Variants in PDILT observed in about 807,000 individuals in gnomAD.
PDILT encodes protein disulfide-isomerase-like protein of the testis.
In PDILT, 43 loss-of-function variants were observed where a neutral mutation model predicts 53.7. The observed-to-expected ratio is 0.80, with a 90% confidence interval of 0.63 to 1.03. The LOEUF (loss-of-function observed/expected upper bound fraction) is 1.03, where lower values mean the gene tolerates loss of function less well. Ranked by LOEUF, PDILT falls within the 50% of genes least tolerant of loss-of-function variation. The probability of loss-of-function intolerance (pLI) is 0.00; values close to 1 mark genes in which losing one functional copy is unlikely to be tolerated. For synonymous variants in PDILT, 282 were observed against 274.2 expected (o/e 1.03, Z -0.28); for missense variants, 727 against 712.3 (o/e 1.02, Z -0.24).
chr16:20,383,012 G>T (rs746920728), intron 3 of PDILT, among the ~76,000 whole-genome samples: 1 of 152,320 alleles, frequency 6.6e-6, no homozygotes, highest in African/African-American at 2.4e-5. Flanking sequence ...CAGAGGTGGA[G>T]CAGGCACCCT....
intron 7 of PDILT, among the ~76,000 whole-genome samples, chr16:20,372,021 G>A (rs939997173): frequency 1.3e-5 from 2 of 151,666 alleles, no homozygotes; most frequent in Non-Finnish European, 2.9e-5. Flanking sequence ...TTTTTTAAAA[G>A]AGAAAAAAAA....
Position 20,372,825 on chromosome 16 carries a change from C to T in PDILT, c.895G>A (p.Ala299Thr). 1 of 1,614,002 alleles carries T rather than the reference C, an allele frequency of 6.2e-7. No individual in the cohort carries two copies. The highest frequency in any genetic ancestry group is 8.5e-7 in the Non-Finnish European group (1 of 1,179,926). ...YGIIIQHYKL[A>T]SKEFQNKILF... ...ACCTTGTTTTGGAATTCCTTTGATG[C>T]CAGCTTATAATGCTGAATTATGATA... The change falls in exon 7 of 12, where the codon GCA becomes ACA. Residue 299 changes from alanine (A) to threonine (T), a missense_variant. Physicochemically the swap from Ala to Thr is moderately conservative, Grantham distance 58. Transcript: ENST00000302451.
intron 3 of PDILT, among the ~76,000 whole-genome samples, chr16:20,381,130 A>G (rs1966455524): frequency 6.6e-6 from 1 of 152,244 alleles, no homozygotes; most frequent in Non-Finnish European, 1.5e-5. Context: ...CTTCCAGAGC[A>G]ATGGCCATGG....
At chr16:20,403,641 G>T (rs1966774818) in intron 1 of PDILT, among the ~76,000 whole-genome samples, 3 of 128,500 alleles carry the variant, frequency 2.3e-5, no homozygotes, top group Non-Finnish European at 4.9e-5. Context: ...CCTATCAAAA[G>T]GTGCTCACTT....
At chr16:20,363,906 A>G (rs1176532003) in intron 9 of PDILT, among the ~76,000 whole-genome samples, 4 of 152,150 alleles carry the variant, frequency 2.6e-5, no homozygotes, top group Non-Finnish European at 2.9e-5. Flanking sequence ...AAGGGAAAGC[A>G]AATCTTTCCT....
Position 20,365,446 on chromosome 16 carries a change from T to C in PDILT, c.1211A>G (p.Lys404Arg), listed in dbSNP as rs375806573. 5 of 1,613,942 alleles carry C rather than the reference T, an allele frequency of 3.1e-6. No homozygotes were observed. The highest frequency in any genetic ancestry group is 4.5e-5 in the East Asian group (2 of 44,888). ...GKNFNVVVFD[K>R]EKDVFVMFYA... is the part of the protein sequence containing the mutation. Reference sequence around the variant, plus strand: ...GAACATCACAAATACGTCCTTTTCTTTGTCAAAGACGACTACGTTGAAGTT... The same window carrying C: ...GAACATCACAAATACGTCCTTTTCTCTGTCAAAGACGACTACGTTGAAGTT... Residue 404 changes from lysine to arginine, a missense_variant, in exon 9 of 12, where the codon AAA becomes AGA. Physicochemically the swap from Lys to Arg is conservative, Grantham distance 26. Coordinates refer to ENST00000302451, the MANE Select transcript of PDILT (RefSeq NM_174924.2).
chr16:20,393,076 A>T (rs1457857267), intron 2 of PDILT, among the ~76,000 whole-genome samples: 3 of 152,154 alleles, frequency 2.0e-5, no homozygotes, highest in Non-Finnish European at 2.9e-5. Context: ...AGCAAAAGAG[A>T]TGGTTTGGAT....
Position 20,399,169 on chromosome 16 carries a change from A to G in PDILT, c.132T>C (p.Ser44=). 1.9e-6 allele frequency: 3 copies of G among 1,614,114 alleles called. No homozygotes were observed. Among genetic ancestry groups the G allele is most frequent in the Non-Finnish European group, 2.5e-6 (3 of 1,180,014 alleles). Residue 44 remains serine, a synonymous_variant, in exon 2 of 12, where the codon AGT becomes AGC. Coordinates refer to ENST00000302451, the MANE Select transcript of PDILT (RefSeq NM_174924.2). ...TKPVHILEER[S]LLVLTPAGLT... is the part of the protein sequence containing the mutation. Reference sequence around the variant, plus strand: ...GGCCAGCGGGCGTTAGCACTAGGAGACTGCGTTCCTCCAGGATGTGCACAG... The same window carrying G: ...GGCCAGCGGGCGTTAGCACTAGGAGGCTGCGTTCCTCCAGGATGTGCACAG...
intron 7 of PDILT, among the ~76,000 whole-genome samples, chr16:20,372,477 A>G (rs1966320686): frequency 6.6e-6 from 1 of 152,224 alleles, no homozygotes; most frequent in Admixed American, 6.5e-5. Context: ...TACCACTCTT[A>G]GTGTATGGAG....
Position 20,367,342 on chromosome 16 carries a change from G to A in PDILT, c.1117-1802C>T, listed in dbSNP as rs118085590. Among the ~76,000 whole-genome samples, 696 of 152,218 alleles carry A rather than the reference G, an allele frequency of 4.6e-3. 33 individuals carry two copies. In the East Asian group the frequency reaches 0.1, roughly 22 times the overall value. ...CTGTGCAGCCTCTGTCTGGCTCACAGCCTCTTCTTCCACAGTGTCCTCCCT... is the reference window on the plus strand; with the variant it reads ...CTGTGCAGCCTCTGTCTGGCTCACAACCTCTTCTTCCACAGTGTCCTCCCT... On this transcript the variant is annotated intron_variant, in intron 8 of 11. Coordinates refer to ENST00000302451, the MANE Select transcript of PDILT (RefSeq NM_174924.2).
In PDILT at chr16:20,374,820, A is replaced by G. The variant is rs190765444; in HGVS notation, c.681+2T>C. ...TCACTAGCAATAGGATCAAAATCCT[A>G]CCTTTTTGAACACCAGGACGCTGTC... is the stretch of plus-strand genomic sequence containing the variant. On this transcript the variant is annotated splice_donor_variant, in intron 5 of 11. Transcript: ENST00000302451. LOFTEE classifies it high-confidence loss of function. 6.2e-7 allele frequency: 1 copy of G among 1,610,648 alleles called. No individual in the cohort carries two copies. Among genetic ancestry groups the G allele is most frequent in the Admixed American group, 1.7e-5 (1 of 59,336 alleles).
intron 2 of PDILT, among the ~76,000 whole-genome samples, chr16:20,394,749 G>A (rs1433306969): frequency 1.3e-5 from 2 of 152,198 alleles, no homozygotes; most frequent in African/African-American, 4.8e-5. Flanking sequence ...CTGACCCAGA[G>A]GCACATCCTC....
At chr16:20,400,612 T>G (rs141671596) in intron 1 of PDILT, among the ~76,000 whole-genome samples, 7 of 152,068 alleles carry the variant, frequency 4.6e-5, no homozygotes, top group African/African-American at 1.7e-4. Context: ...TATTTCAACT[T>G]CTATTTGGGA....
intron 2 of PDILT, among the ~76,000 whole-genome samples, chr16:20,397,528 C>T (rs562852573): frequency 6.6e-6 from 1 of 152,252 alleles, no homozygotes; most frequent in African/African-American, 2.4e-5. Flanking sequence ...GCCACCAGTC[C>T]AGTAAGTGGC....
intron 3 of PDILT, 128 bp downstream of exon 3, chr16:20,384,517 G>C: frequency 8.9e-7 from 1 of 1,121,798 alleles, no homozygotes; most frequent in Non-Finnish European, 1.3e-6. Context: ...GAGAAGGGCA[G>C]AGTCACAAGC....
chr16:20,378,449 T>G (rs1455290155), intron 3 of PDILT, among the ~76,000 whole-genome samples: 1 of 152,164 alleles, frequency 6.6e-6, no homozygotes, highest in African/African-American at 2.4e-5. Flanking sequence ...TCCTTCTTCT[T>G]CTTTTTATTT....
chr16:20,389,270 C>T (rs1432890186), intron 2 of PDILT, among the ~76,000 whole-genome samples: 2 of 151,926 alleles, frequency 1.3e-5, no homozygotes, highest in Non-Finnish European at 2.9e-5. Flanking sequence ...CCTTGTGGCC[C>T]AGGAAAGTTG....
chr16:20,380,651 C>A (rs1966449814), intron 3 of PDILT, among the ~76,000 whole-genome samples: 1 of 152,176 alleles, frequency 6.6e-6, no homozygotes, highest in Non-Finnish European at 1.5e-5. Context: ...ACCCTATTTT[C>A]TTCATTGAGT....
chr16:20,387,892 T>C (rs1323600394), intron 2 of PDILT, among the ~76,000 whole-genome samples: 1 of 152,166 alleles, frequency 6.6e-6, no homozygotes, highest in East Asian at 1.9e-4. Context: ...TGGATTTCTC[T>C]GAATATTATA....
Sources: gnomAD v4.1 joint callset for allele counts (sites outside exome capture counted in the v4.1 genomes callset) on GRCh38, gnomAD v4.1.1 for gene constraint, MANE v1.5 for transcripts, NCBI Gene and HGNC (gene_info 2026-07-23, HGNC 2026-07-21) for gene names.